FBXO8: variants seen among roughly 807,000 people sequenced by gnomAD.
FBXO8 encodes F-box only protein 8.
FBXO8 carries 15 observed loss-of-function variants against 33.4 expected under a neutral mutation model. That is an observed-to-expected ratio of 0.45 (90% confidence interval 0.30 to 0.69). The LOEUF is 0.69. Ranked by LOEUF, FBXO8 falls within the 30% of genes least tolerant of loss-of-function variation. The pLI, the probability that FBXO8 is intolerant of heterozygous loss-of-function variation, is 0.08. For synonymous variants in FBXO8, 132 were observed against 131.5 expected, an observed-to-expected ratio of 1.00 and a Z score of -0.02; for missense variants, 274 against 380.3, an observed-to-expected ratio of 0.72 and a Z score of 2.32.
At chr4:174,250,632 G>A (rs1736264445) in intron 3 of FBXO8, among the ~76,000 whole-genome samples, 1 of 152,060 alleles carries the variant, frequency 6.6e-6, no homozygotes, top group African/African-American at 2.4e-5. Context: ...ATGGATAAAT[G>A]TACACTACAG....
chr4:174,240,812 G>A (rs371286081), intron 4 of FBXO8, among the ~76,000 whole-genome samples: 23 of 151,470 alleles, frequency 1.5e-4, no homozygotes, highest in African/African-American at 5.6e-4. Context: ...AAAAAATCAG[G>A]GTTGCAGATT....
intron 2 of FBXO8, among the ~76,000 whole-genome samples, chr4:174,260,997 T>A (rs986771194): frequency 6.6e-6 from 1 of 151,908 alleles, no homozygotes; most frequent in South Asian, 2.1e-4. Context: ...GCATATAACA[T>A]CAAAAATTGT....
At chr4:174,269,345 C>T (rs1736777441) in intron 1 of FBXO8, among the ~76,000 whole-genome samples, 1 of 152,100 alleles carries the variant, frequency 6.6e-6, no homozygotes, top group African/African-American at 2.4e-5. Flanking sequence ...GGGGAAAAAA[C>T]CCCAAAGCAA....
chr4:174,269,497 C>T (rs974539038), intron 1 of FBXO8, among the ~76,000 whole-genome samples: 1 of 151,854 alleles, frequency 6.6e-6, no homozygotes, highest in Non-Finnish European at 1.5e-5. Context: ...ACTGGCCTGT[C>T]CAACATGGCG....
intron 3 of FBXO8, among the ~76,000 whole-genome samples, chr4:174,258,522 A>G (rs761998392): frequency 6.6e-6 from 1 of 152,282 alleles, no homozygotes; most frequent in Middle Eastern, 3.4e-3. Flanking sequence ...ATAGTGATGA[A>G]AGAAAAGAAA....
chr4:174,275,165 T>C lies in FBXO8; in HGVS notation c.-9+8245A>G, dbSNP rs1736931766. On this transcript the variant is annotated intron_variant, in intron 1 of 5. Coordinates refer to ENST00000393674, the MANE Select transcript of FBXO8 (RefSeq NM_012180.3). The surrounding 1 kb of genome is among the most constrained non-coding windows in gnomAD (Gnocchi z 4.4). ...TAAACACACGTTTCATGAAAGAGGA[T>C]ATACAAATGGCAAATAAGCACATGG... Among the ~76,000 whole-genome samples the C allele has an allele frequency of 6.6e-6, 1 of 152,148 alleles. No individual in the cohort carries two copies.
At chr4:174,258,447 G>A (rs139468629) in intron 3 of FBXO8, among the ~76,000 whole-genome samples, 15 of 152,084 alleles carry the variant, frequency 9.9e-5, no homozygotes, top group African/African-American at 2.4e-4. Flanking sequence ...TTTGAACTTC[G>A]TATAAATCAT....
rs917400161 is a variant in FBXO8 at position 174,274,353 on chromosome 4, T to C, written c.-9+9057A>G. ...GATAACATTTATGGAACTTAACCCA[T>C]AGTAGGTAGTTTACAATAAAAGGTA... On this transcript the variant is annotated intron_variant, in intron 1 of 5. Transcript: ENST00000393674. This position sits in a 1 kb window ranked among gnomAD's most constrained non-coding sequence, Gnocchi z 4.0. 6.6e-6 allele frequency among the ~76,000 whole-genome samples: 1 copy of C among 152,238 alleles called. No individual in the cohort carries two copies. The highest frequency in any genetic ancestry group is 1.5e-5 in the Non-Finnish European group (1 of 68,042).
In FBXO8 at chr4:174,259,112, AGTT is replaced by A. The variant is rs1327759977; in HGVS notation, c.456+584_456+586del. 1.3e-5 allele frequency among the ~76,000 whole-genome samples: 2 copies of A among 152,024 alleles called. No homozygotes were observed. Among genetic ancestry groups the A allele is most frequent in the African/African-American group, 2.4e-5 (1 of 41,452 alleles). ...TAGAGAAAAAAAAAATCAGTGAAAA[AGTT>A]GTTTTCACATTTTGATCATGCTTAC... On this transcript the variant is annotated intron_variant, in intron 3 of 5. Coordinates refer to ENST00000393674, the MANE Select transcript of FBXO8 (RefSeq NM_012180.3). The surrounding 1 kb of genome is among the most constrained non-coding windows in gnomAD (Gnocchi z 4.3).
chr4:174,282,944 A>G (rs920346670), intron 1 of FBXO8, among the ~76,000 whole-genome samples: 2 of 152,198 alleles, frequency 1.3e-5, no homozygotes, highest in Admixed American at 1.3e-4. Context: ...TTTATAACCC[A>G]AGTTTGACTA....
Position 174,257,639 on chromosome 4 carries a change from C to G in FBXO8, c.456+2060G>C, listed in dbSNP as rs1052457964. On this transcript the variant is annotated intron_variant, in intron 3 of 5. Transcript: ENST00000393674. The surrounding 1 kb of genome is among the most constrained non-coding windows in gnomAD (Gnocchi z 4.3). ...AGCAATCATCATTCAATTACCTCAA[C>G]AGACTGATGCAAAATATATATCTTT... Among the ~76,000 whole-genome samples the G allele has an allele frequency of 2.0e-5, 3 of 152,130 alleles. No homozygotes were observed. The highest frequency in any genetic ancestry group is 7.2e-5 in the African/African-American group (3 of 41,424).
At chr4:174,268,351 G>A in intron 1 of FBXO8, among the ~76,000 whole-genome samples, 1 of 152,166 alleles carries the variant, frequency 6.6e-6, no homozygotes, top group African/African-American at 2.4e-5. Flanking sequence ...TATCTAACAT[G>A]TATTTTATCC....
At position 174,247,536 on chromosome 4, in the gene FBXO8, CAATA is replaced by C. The variant is rs1679973144; in HGVS notation, c.457-6322_457-6319del. ...GACTTTAAAAATAGTAATACTTAAACAATATAGCTCAATCTAGATTTCTAACTTT... is the reference window on the plus strand; with the variant it reads ...GACTTTAAAAATAGTAATACTTAAACTAGCTCAATCTAGATTTCTAACTTT... On this transcript the variant is annotated intron_variant, in intron 3 of 5. Transcript: ENST00000393674. This position sits in a 1 kb window ranked among gnomAD's most constrained non-coding sequence, Gnocchi z 4.6. Among the ~76,000 whole-genome samples, 1 of 151,924 alleles carries C rather than the reference CAATA, an allele frequency of 6.6e-6. No homozygotes were observed. The highest frequency in any genetic ancestry group is 2.1e-4 in the South Asian group (1 of 4,832).
Position 174,237,372 on chromosome 4 carries a change from T to C in FBXO8, c.*40A>G, listed in dbSNP as rs373566885. The C allele has an allele frequency of 6.4e-7, 1 of 1,566,176 alleles. No individual in the cohort carries two copies. The highest frequency in any genetic ancestry group is 1.3e-5 in the African/African-American group (1 of 74,142). On this transcript the variant is annotated 3_prime_UTR_variant, in exon 6 of 6. Transcript: ENST00000393674. The surrounding 1 kb of genome is among the most constrained non-coding windows in gnomAD (Gnocchi z 4.4). Reference sequence around the variant, plus strand: ...TATCTGCTAAGTCCTTGGGTAGCTTTAGTCTGAAGTAAAAACTGAAGTCCT... The same window carrying C: ...TATCTGCTAAGTCCTTGGGTAGCTTCAGTCTGAAGTAAAAACTGAAGTCCT...
At chr4:174,239,266 C>A in intron 4 of FBXO8, 76 bp from the exon 5 acceptor site, 2 of 1,069,390 alleles carry the variant, frequency 1.9e-6, no homozygotes, top group Non-Finnish European at 2.6e-6. Context: ...TAACAAATTT[C>A]CATTTTTTGG....
chr4:174,272,431 G>C lies in FBXO8; in HGVS notation c.-8-9331C>G, dbSNP rs1423526571. 6.6e-6 allele frequency among the ~76,000 whole-genome samples: 1 copy of C among 152,120 alleles called. No homozygotes were observed. Among genetic ancestry groups the C allele is most frequent in the African/African-American group, 2.4e-5 (1 of 41,424 alleles). On this transcript the variant is annotated intron_variant, in intron 1 of 5. Transcript: ENST00000393674. This position sits in a 1 kb window ranked among gnomAD's most constrained non-coding sequence, Gnocchi z 4.7. ...TTGTATTATTATTTATTGTTGTACT[G>C]TTACTTTCTATTTTTTTCCAAATAG...
intron 2 of FBXO8, among the ~76,000 whole-genome samples, chr4:174,260,337 G>A (rs1360392363): frequency 2.0e-5 from 3 of 151,918 alleles, no homozygotes; most frequent in African/African-American, 4.8e-5. Flanking sequence ...AATCTAAATA[G>A]GGTTTATTAA....
In FBXO8 at chr4:174,265,073, T is replaced by C. The variant is rs1196455759; in HGVS notation, c.-8-1973A>G. Among the ~76,000 whole-genome samples the C allele has an allele frequency of 1.3e-5, 2 of 152,044 alleles. No homozygotes were observed. The highest frequency in any genetic ancestry group is 4.8e-5 in the African/African-American group (2 of 41,416). ...TGAAAATAACATAACTATGAGATAC[T>C]ACTACACACCCATTAAAAGAGTATA... On this transcript the variant is annotated intron_variant, in intron 1 of 5. Coordinates refer to ENST00000393674, the MANE Select transcript of FBXO8 (RefSeq NM_012180.3). The surrounding 1 kb of genome is among the most constrained non-coding windows in gnomAD (Gnocchi z 4.7).
In FBXO8 at chr4:174,247,548, A is replaced by G. The variant is rs184116936; in HGVS notation, c.457-6330T>C. Among the ~76,000 whole-genome samples the G allele has an allele frequency of 3.9e-5, 6 of 152,136 alleles. No individual in the cohort carries two copies. Among genetic ancestry groups the G allele is most frequent in the African/African-American group, 4.8e-5 (2 of 41,530 alleles). On this transcript the variant is annotated intron_variant, in intron 3 of 5. Transcript: ENST00000393674. The surrounding 1 kb of genome is among the most constrained non-coding windows in gnomAD (Gnocchi z 4.6). ...AGTAATACTTAAACAATATAGCTCA[A>G]TCTAGATTTCTAACTTTTCTTTCAA...
Sources: gnomAD v4.1 joint callset for allele counts (sites outside exome capture counted in the v4.1 genomes callset) on GRCh38, gnomAD v4.1.1 for gene constraint, Gnocchi (gnomAD v3.1) non-coding constraint, MANE v1.5 for transcripts, NCBI Gene and HGNC (gene_info 2026-07-23, HGNC 2026-07-21) for gene names.